The following DCLK1 variants were observed in gnomAD, a reference collection of about 807,000 sequenced individuals.
The protein encoded by DCLK1 is serine/threonine-protein kinase DCLK1.
Under a neutral mutation model 86.2 loss-of-function variants are expected in DCLK1, and 16 were observed. The observed-to-expected ratio is 0.19, with a 90% CI of 0.13 to 0.28. DCLK1 has a LOEUF of 0.28. DCLK1 is among the 10% of genes least tolerant of loss of function. The pLI, the probability that DCLK1 is intolerant of heterozygous loss-of-function variation, is 1.00. For synonymous variants in DCLK1, 369 were observed against 370.5 expected (o/e 1.00, Z 0.05); for missense variants, 590 against 940.2 (o/e 0.63, Z 4.87).
At chr13:35,817,668 C>G (rs2087302394) in intron 11 of DCLK1, among the ~76,000 whole-genome samples, 1 of 152,048 alleles carries the variant, frequency 6.6e-6, no homozygotes, top group Non-Finnish European at 1.5e-5. Flanking sequence ...CTGGGTCAAC[C>G]CCAGGCCCAG....
At chr13:36,045,294 C>A (rs1252966645) in intron 3 of DCLK1, among the ~76,000 whole-genome samples, 5 of 102,294 alleles carry the variant, frequency 4.9e-5, no homozygotes, top group Admixed American at 1.1e-4. Context: ...ATATAATAAT[C>A]GTCTAATATA....
intron 10 of DCLK1, among the ~76,000 whole-genome samples, chr13:35,824,929 G>A (rs1307309447): frequency 6.6e-6 from 1 of 152,040 alleles, no homozygotes; most frequent in Non-Finnish European, 1.5e-5. Context: ...CCTTCCTGAA[G>A]TGTCCCATCC....
At chr13:35,933,987 C>T (rs1876615399) in intron 4 of DCLK1, among the ~76,000 whole-genome samples, 1 of 152,176 alleles carries the variant, frequency 6.6e-6, no homozygotes. Flanking sequence ...CCCTGAGTCA[C>T]CTCTTGAATG....
rs1485386401 is a variant in DCLK1 at position 35,770,723 on chromosome 13, A to T, written c.*3812T>A. 6.6e-6 allele frequency: 1 copy of T among 152,246 alleles called. No homozygotes were observed. The highest frequency in any genetic ancestry group is 1.5e-5 in the Non-Finnish European group (1 of 68,048). 9.4% of individuals were successfully genotyped at this position (152,246 alleles called of 1,614,324 possible). The stretch of plus-strand genomic sequence containing the variant: ...CCAGGTGACCCATTAAATTTAAAAA[A>T]TGTGTGCGAATGAGTAACTACATTA... On this transcript the variant is annotated 3_prime_UTR_variant, in exon 17 of 17. Coordinates refer to ENST00000360631, the MANE Select transcript of DCLK1 (RefSeq NM_001330071.2).
At chr13:36,063,256 G>A (rs1285679257) in intron 3 of DCLK1, among the ~76,000 whole-genome samples, 1 of 152,094 alleles carries the variant, frequency 6.6e-6, no homozygotes, top group East Asian at 1.9e-4. Context: ...GAAAAGTCTA[G>A]ATGACCATTC....
At chr13:35,938,340 G>C (rs145651440) in intron 4 of DCLK1, among the ~76,000 whole-genome samples, 184 of 152,130 alleles carry the variant, frequency 1.2e-3, no homozygotes, top group African/African-American at 4.1e-3. Context: ...TGTCAAAAAT[G>C]AGCACTAGGC....
chr13:35,862,508 G>A (rs755345836), intron 5 of DCLK1, among the ~76,000 whole-genome samples: 61 of 151,998 alleles, frequency 4.0e-4, no homozygotes, highest in Non-Finnish European at 7.1e-4. Context: ...TTTTTCCACC[G>A]CCATGCCACT....
Position 36,058,410 on chromosome 13 carries a change from G to T in DCLK1, c.723+53459C>A, listed in dbSNP as rs913024063. On this transcript the variant is annotated intron_variant, in intron 3 of 16. Transcript: ENST00000360631. ...GAACCAGATATTAGTGCCAAGGGCA[G>T]GATCAAGACTCAGGACTGAGAGGGA... Among the ~76,000 whole-genome samples the T allele has an allele frequency of 8.5e-5, 13 of 152,256 alleles. No homozygotes were observed. In the East Asian group the frequency reaches 2.1e-3, roughly 25 times the overall value.
At chr13:36,080,492 T>A (rs778184568) in intron 3 of DCLK1, among the ~76,000 whole-genome samples, 2 of 152,214 alleles carry the variant, frequency 1.3e-5, no homozygotes, top group Non-Finnish European at 2.9e-5. Flanking sequence ...TCAACAGCAT[T>A]TTGAATCTGA....
rs137865976 is a variant in DCLK1 at position 36,109,047 on chromosome 13, T to C, written c.723+2822A>G. Among the ~76,000 whole-genome samples, 273 of 152,316 alleles carry C rather than the reference T, an allele frequency of 1.8e-3. 1 individual carries two copies. Among genetic ancestry groups the C allele is most frequent in the African/African-American group, 6.1e-3 (254 of 41,570 alleles). On this transcript the variant is annotated intron_variant, in intron 3 of 16. Transcript: ENST00000360631. ...ACTGCTTATGGGACAGATTTCTCTTTTGAGCCAAAAAGATTCTAAAGACTC... is the reference window on the plus strand; with the variant it reads ...ACTGCTTATGGGACAGATTTCTCTTCTGAGCCAAAAAGATTCTAAAGACTC...
chr13:35,916,831 G>C (rs1875443998), intron 4 of DCLK1, among the ~76,000 whole-genome samples: 1 of 152,126 alleles, frequency 6.6e-6, no homozygotes, highest in African/African-American at 2.4e-5. Context: ...TGGAAGGTGA[G>C]GGCATTCAGG....
At chr13:35,808,666 C>G (rs1353821131) in intron 13 of DCLK1, among the ~76,000 whole-genome samples, 1 of 152,026 alleles carries the variant, frequency 6.6e-6, no homozygotes. Flanking sequence ...GCCTGTGATC[C>G]CAGCTATTCA....
At position 36,001,652 on chromosome 13, in the gene DCLK1, C is replaced by A. The variant is rs530683136; in HGVS notation, c.724-54195G>T. On this transcript the variant is annotated intron_variant, in intron 3 of 16. Transcript: ENST00000360631. ...GGCATGGAATATGATGTGCACCCTG[C>A]AAGTGATGAAGGAGACAAAAGAAGA... Among the ~76,000 whole-genome samples the A allele has an allele frequency of 1.1e-4, 16 of 152,212 alleles. No individual in the cohort carries two copies. The South Asian group carries it at 3.1e-3, about 30-fold the overall frequency.
In DCLK1 at chr13:35,793,491, G is replaced by T. The variant is rs539305195; in HGVS notation, c.1945-12C>A. 11 of 1,566,062 alleles carry T rather than the reference G, an allele frequency of 7.0e-6. No individual in the cohort carries two copies. In the East Asian group the frequency reaches 2.5e-4, roughly 36 times the overall value. On this transcript the variant is annotated splice_polypyrimidine_tract_variant and intron_variant, in intron 15 of 16. Coordinates refer to ENST00000360631, the MANE Select transcript of DCLK1 (RefSeq NM_001330071.2). ...GGGAGGCCATCATCCTGGAGAAAAA[G>T]AAATAAAGAGAAGAGAAAAAGAAAG... is the stretch of plus-strand genomic sequence containing the variant.
intron 3 of DCLK1, among the ~76,000 whole-genome samples, chr13:36,038,516 G>A (rs768465453): frequency 7.9e-5 from 12 of 152,190 alleles, no homozygotes; most frequent in Non-Finnish European, 1.5e-4. Context: ...ATATTCTTTG[G>A]CACATACCTG....
intron 11 of DCLK1, among the ~76,000 whole-genome samples, chr13:35,811,427 A>G (rs2087141152): frequency 6.6e-6 from 1 of 152,126 alleles, no homozygotes; most frequent in South Asian, 2.1e-4. Context: ...CCTTTTGTTT[A>G]TCTGTCTTTG....
chr13:36,034,959 C>A (rs143784072), intron 3 of DCLK1, among the ~76,000 whole-genome samples: 1 of 152,146 alleles, frequency 6.6e-6, no homozygotes, highest in Non-Finnish European at 1.5e-5. Flanking sequence ...AAAGGTCACA[C>A]GTGCAGCATA....
At chr13:36,085,394 T>A (rs1884556352) in intron 3 of DCLK1, among the ~76,000 whole-genome samples, 1 of 152,076 alleles carries the variant, frequency 6.6e-6, no homozygotes, top group Admixed American at 6.6e-5. Context: ...AAAGGTTGGG[T>A]TTTTTTAGAA....
intron 11 of DCLK1, among the ~76,000 whole-genome samples, chr13:35,821,653 G>GAT (rs540808643): frequency 0.018 from 2,391 of 130,108 alleles, 58 homozygotes; most frequent in African/African-American, 0.075. Context: ...TTTGGGAAAA[G>GAT]ATATATATAT....
Sources: allele counts gnomAD v4.1 joint callset (sites outside exome capture counted in the v4.1 genomes callset), GRCh38; gene constraint gnomAD v4.1.1; transcripts MANE v1.5; gene names NCBI Gene and HGNC (gene_info 2026-07-23, HGNC 2026-07-21).